Variants in CSDC2 observed in about 807,000 individuals in gnomAD.
CSDC2 encodes cold shock domain containing C2, also known as cold shock domain-containing protein C2.
A neutral mutation model predicts 15.8 loss-of-function variants in CSDC2; 8 were observed. The ratio of observed to expected loss-of-function variants is 0.51; its 90% CI spans 0.30 to 0.92. The LOEUF is 0.92. Among genes scored for constraint, CSDC2 ranks in the 40% least tolerant of loss-of-function variants. CSDC2 has a pLI of 0.07. For synonymous variants in CSDC2, 96 were observed against 92.3 expected, an observed-to-expected ratio of 1.04 and a Z score of -0.23; for missense variants, 195 against 213.3, an observed-to-expected ratio of 0.91 and a Z score of 0.53.
chr22:41,571,498 A>G (rs1170417209), intron 1 of CSDC2, among the ~76,000 whole-genome samples: 1 of 152,160 alleles, frequency 6.6e-6, no homozygotes, highest in Non-Finnish European at 1.5e-5. Context: ...GCTTGAAGTC[A>G]CCAAGTTGTA....
chr22:41,565,982 A>G (rs910268836), intron 1 of CSDC2, among the ~76,000 whole-genome samples: 1 of 152,106 alleles, frequency 6.6e-6, no homozygotes, highest in Non-Finnish European at 1.5e-5. Flanking sequence ...GATCAGCCCC[A>G]TTTGACAGAT....
intron 2 of CSDC2, among the ~76,000 whole-genome samples, chr22:41,572,907 GCT>G (rs1195919447): frequency 6.6e-6 from 1 of 152,112 alleles, no homozygotes; most frequent in Non-Finnish European, 1.5e-5. Context: ...ACAGGGTCTC[GCT>G]CTGTTGCCCA....
chr22:41,570,924 G>A (rs779649259), intron 1 of CSDC2, among the ~76,000 whole-genome samples: 1 of 150,430 alleles, frequency 6.6e-6, no homozygotes, highest in Non-Finnish European at 1.5e-5. Context: ...CCAGGAGATG[G>A]AGGCTGCAGT....
At chr22:41,566,789 T>C (rs9611615) in intron 1 of CSDC2, among the ~76,000 whole-genome samples, 39,946 of 150,282 alleles carry the variant, frequency 0.27, 6,148 homozygotes, top group Admixed American at 0.45. Context: ...TAGCCGTGCG[T>C]GGTGGCAGGC....
chr22:41,572,054 A>G lies in CSDC2; in HGVS notation c.89A>G (p.Glu30Gly), dbSNP rs756121544. The change falls in exon 2 of 4, where the codon GAG (glutamate) becomes GGG (glycine). Residue 30 changes from glutamate (E) to glycine (G), a missense_variant. By Grantham distance (98) the Glu-to-Gly change is moderately conservative. Transcript: ENST00000306149. ...PVWPTFPFHREGSRVWERGGV... is the reference protein window; with the variant it reads ...PVWPTFPFHRGGSRVWERGGV... ...TGGCCCACCTTCCCCTTCCACAGGG[A>G]GGGCAGCAGGGTCTGGGAGCGGGGT... The G allele has an allele frequency of 6.6e-6, 9 of 1,359,520 alleles. No individual in the cohort carries two copies. The highest frequency in any genetic ancestry group is 5.7e-6 in the Non-Finnish European group (6 of 1,053,710). 84.2% of individuals were successfully genotyped at this position (1,359,520 alleles called of 1,614,324 possible).
At chr22:41,564,792 C>T (rs188556950) in intron 1 of CSDC2, among the ~76,000 whole-genome samples, 7 of 152,298 alleles carry the variant, frequency 4.6e-5, no homozygotes, top group Admixed American at 4.6e-4. Context: ...GAGCAGGTGC[C>T]TGCCCCAGGT....
rs565260864 is a variant in CSDC2 at position 41,574,848 on chromosome 22, C to T, written c.415C>T (p.Pro139Ser). The T allele has an allele frequency of 9.9e-6, 16 of 1,610,308 alleles. No individual in the cohort carries two copies. Among genetic ancestry groups the T allele is most frequent in the African/African-American group, 1.3e-5 (1 of 75,002 alleles). Residue 139 changes from proline to serine, a missense_variant, in exon 4 of 4, where the codon CCC (proline) becomes TCC (serine). Physicochemically the swap from Pro to Ser is moderately conservative, Grantham distance 74. Transcript: ENST00000306149. ...GGAGGTGGTGCTCACTCAGCTGGCCCCCCACACTCCCCACGAGACGTGGTC... is the reference window on the plus strand; with the variant it reads ...GGAGGTGGTGCTCACTCAGCTGGCCTCCCACACTCCCCACGAGACGTGGTC... ...AVEVVLTQLA[P>S]HTPHETWSGQ...
chr22:41,563,784 G>A (rs1157087186), intron 1 of CSDC2, among the ~76,000 whole-genome samples: 1 of 151,938 alleles, frequency 6.6e-6, no homozygotes, highest in African/African-American at 2.4e-5. Context: ...GAAGATGGGT[G>A]TACTAAGCCA....
Position 41,566,075 on chromosome 22 carries a change from C to T in CSDC2, c.-124+4892C>T, listed in dbSNP as rs1046819242. Among the ~76,000 whole-genome samples the T allele has an allele frequency of 2.1e-5, 3 of 142,936 alleles. No homozygotes were observed. The South Asian group carries it at 7.1e-4, about 34-fold the overall frequency. 93.8% of individuals were successfully genotyped at this position (142,936 alleles called of 152,430 possible). ...ATCCCAGCACTTTGGGAGGCCAAGG[C>T]GGGTGGATCACCTGCAGTCAGGAGT... On this transcript the variant is annotated intron_variant, in intron 1 of 3. Coordinates refer to ENST00000306149, the MANE Select transcript of CSDC2 (RefSeq NM_014460.4).
intron 3 of CSDC2, 132 bp from the exon 4 acceptor site, chr22:41,574,601 T>C: frequency 2.8e-6 from 3 of 1,054,222 alleles, no homozygotes; most frequent in Non-Finnish European, 4.0e-6. Flanking sequence ...GCTGAGGTTC[T>C]GAGAAGCAAG....
intron 3 of CSDC2, among the ~76,000 whole-genome samples, 175 bp downstream of exon 3, chr22:41,573,952 A>AG (rs1478539347): frequency 1.3e-5 from 2 of 152,156 alleles, no homozygotes; most frequent in Non-Finnish European, 2.9e-5. Context: ...GGGGCCAGGG[A>AG]GGGAGTGGGC....
intron 2 of CSDC2, among the ~76,000 whole-genome samples, chr22:41,572,367 C>CCAT (rs2067150088): frequency 1.4e-5 from 1 of 72,132 alleles, no homozygotes; most frequent in African/African-American, 5.1e-5. Context: ...CACCCACCCA[C>CCAT]CCACCCACCC....
In CSDC2 at chr22:41,575,236, G is replaced by A; in HGVS notation, c.*341G>A. ...TCCCCACGGTGACTGAGCTGCGAGA[G>A]CCTGCGCTGGGCTCACTCCCTGGCC... On this transcript the variant is annotated 3_prime_UTR_variant, in exon 4 of 4. Transcript: ENST00000306149. 1 of 358,420 alleles carries A rather than the reference G, an allele frequency of 2.8e-6. No homozygotes were observed. Among genetic ancestry groups the A allele is most frequent in the Non-Finnish European group, 5.2e-6 (1 of 191,402 alleles). 22.2% of individuals were successfully genotyped at this position (358,420 alleles called of 1,614,324 possible).
chr22:41,569,656 A>G (rs2067134897), intron 1 of CSDC2, among the ~76,000 whole-genome samples: 1 of 151,904 alleles, frequency 6.6e-6, no homozygotes, highest in African/African-American at 2.4e-5. Context: ...ATGTGTCTAG[A>G]CCATAATTTA....
chr22:41,568,714 C>T (rs994663655), intron 1 of CSDC2, among the ~76,000 whole-genome samples: 1 of 152,244 alleles, frequency 6.6e-6, no homozygotes, highest in Non-Finnish European at 1.5e-5. Context: ...AGCTCTTGCC[C>T]TGAGGCCAAC....
chr22:41,568,033 C>A (rs983457891), intron 1 of CSDC2, among the ~76,000 whole-genome samples: 1 of 152,114 alleles, frequency 6.6e-6, no homozygotes, highest in African/African-American at 2.4e-5. Flanking sequence ...TCTCGCCCAG[C>A]GCCCAGCGCC....
At chr22:41,573,840 A>T in intron 3 of CSDC2, 63 bp downstream of exon 3, 1 of 1,559,198 alleles carries the variant, frequency 6.4e-7, no homozygotes, top group African/African-American at 1.4e-5. Context: ...GTGCCTCAAA[A>T]ATGGCTCTCC....
chr22:41,561,902 C>G (rs1490715732), intron 1 of CSDC2, among the ~76,000 whole-genome samples: 1 of 152,160 alleles, frequency 6.6e-6, no homozygotes, highest in Non-Finnish European at 1.5e-5. Context: ...CTTAGGGTGG[C>G]CTTGGCTGGT....
chr22:41,573,275 A>T (rs1352437624), intron 2 of CSDC2, among the ~76,000 whole-genome samples: 3 of 151,936 alleles, frequency 2.0e-5, no homozygotes, highest in Non-Finnish European at 2.9e-5. Flanking sequence ...GAATTGCTTG[A>T]ACCTGGGAGG....
Sources: allele counts gnomAD v4.1 joint callset (sites outside exome capture counted in the v4.1 genomes callset), GRCh38; gene constraint gnomAD v4.1.1; transcripts MANE v1.5; gene names NCBI Gene and HGNC (gene_info 2026-07-23, HGNC 2026-07-21).